The following GPHN variants were observed in gnomAD, a reference collection of about 807,000 sequenced individuals.
GPHN encodes the protein gephyrin.
GPHN carries 17 observed loss-of-function variants against 95.5 expected under a neutral mutation model. The observed-to-expected ratio is 0.18, with a 90% confidence interval of 0.12 to 0.27. GPHN has a LOEUF of 0.27. GPHN is among the 10% of genes least tolerant of loss of function. The probability of loss-of-function intolerance (pLI) is 1.00; values close to 1 mark genes in which losing one functional copy is unlikely to be tolerated. For missense variants in GPHN, 660 were observed against 978.1 expected, an observed-to-expected ratio of 0.67 and a Z score of 4.34; for synonymous variants, 320 against 322.5, an observed-to-expected ratio of 0.99 and a Z score of 0.08.
At chr14:67,498,364 T>G in the GPHN span, among the ~76,000 whole-genome samples, 1 of 152,164 alleles carries the variant, frequency 6.6e-6, no homozygotes, top group East Asian at 1.9e-4. Flanking sequence ...AATCTGAGTT[T>G]TGTGAGTTGA....
the GPHN span, chr14:67,588,058 A>G: frequency 6.6e-6 from 1 of 152,618 alleles, no homozygotes; most frequent in East Asian, 1.9e-4. Flanking sequence ...ATTGGTATGT[A>G]GGCATTGGTA....
the GPHN span, among the ~76,000 whole-genome samples, chr14:67,468,768 A>C: frequency 6.6e-6 from 1 of 152,080 alleles, no homozygotes; most frequent in Admixed American, 6.5e-5. Flanking sequence ...GGTGGCATGC[A>C]CCTGTAATCC....
the GPHN span, among the ~76,000 whole-genome samples, chr14:67,708,203 A>G: frequency 6.6e-6 from 1 of 152,212 alleles, no homozygotes; most frequent in Non-Finnish European, 1.5e-5. Context: ...TTAAAAGAAA[A>G]GTTTTCTTGA....
At chr14:67,724,983 C>T in the GPHN span, 3 of 1,191,280 alleles carry the variant, frequency 2.5e-6, no homozygotes, top group South Asian at 1.2e-5. Context: ...TTCACTCTAC[C>T]GTTGAAGGAT....
At chr14:67,653,686 T>A in the GPHN span, among the ~76,000 whole-genome samples, 1 of 152,212 alleles carries the variant, frequency 6.6e-6, no homozygotes, top group Non-Finnish European at 1.5e-5. Context: ...TTAGTACTCA[T>A]CAAGTAGGCT....
At chr14:66,894,866 T>C (rs1213225379) in intron 5 of GPHN, among the ~76,000 whole-genome samples, 1 of 152,206 alleles carries the variant, frequency 6.6e-6, no homozygotes. Flanking sequence ...CAACAGGTGC[T>C]GAAGAGGACA....
the GPHN span, among the ~76,000 whole-genome samples, chr14:67,565,992 C>T: frequency 3.9e-5 from 6 of 152,232 alleles, no homozygotes; most frequent in East Asian, 3.9e-4. Context: ...TGGTGGTGCA[C>T]GCCTATAGTC....
intron 2 of GPHN, among the ~76,000 whole-genome samples, chr14:66,688,484 T>G (rs1306682204): frequency 6.6e-6 from 1 of 152,250 alleles, no homozygotes; most frequent in Non-Finnish European, 1.5e-5. Context: ...CTTTTTCAGT[T>G]TCTTTTTCCA....
At chr14:66,900,652 T>C (rs1016539791) in intron 5 of GPHN, among the ~76,000 whole-genome samples, 3 of 152,010 alleles carry the variant, frequency 2.0e-5, no homozygotes, top group African/African-American at 4.8e-5. Flanking sequence ...TTCTTCCTTC[T>C]GTGCTTGCCT....
the GPHN span, among the ~76,000 whole-genome samples, chr14:67,280,489 G>A: frequency 6.6e-6 from 1 of 152,134 alleles, no homozygotes; most frequent in Admixed American, 6.5e-5. Context: ...ATTGTTTCAT[G>A]TAATAAAATA....
chr14:67,412,065 C>T, the GPHN span: 8 of 1,545,110 alleles, frequency 5.2e-6, no homozygotes, highest in South Asian at 1.2e-5. Context: ...TCCATGTCGC[C>T]GCCCGCACGC....
chr14:67,212,407 G>A, the GPHN span, among the ~76,000 whole-genome samples: 157 of 151,520 alleles, frequency 1.0e-3, no homozygotes, highest in African/African-American at 3.6e-3. Flanking sequence ...GGGCAACATT[G>A]CAAAACCCTG....
At chr14:67,497,067 C>T in the GPHN span, among the ~76,000 whole-genome samples, 5 of 151,944 alleles carry the variant, frequency 3.3e-5, no homozygotes, top group Non-Finnish European at 7.4e-5. Context: ...GCTGGGATTA[C>T]AGGCCTGAGC....
At chr14:66,660,639 G>A (rs761901168) in intron 1 of GPHN, among the ~76,000 whole-genome samples, 42 of 152,156 alleles carry the variant, frequency 2.8e-4, no homozygotes, top group Non-Finnish European at 4.0e-4. Context: ...CCAGTGGGGC[G>A]CCAAGATGGC....
chr14:67,516,170 G>A, the GPHN span, among the ~76,000 whole-genome samples: 1 of 152,206 alleles, frequency 6.6e-6, no homozygotes, highest in African/African-American at 2.4e-5. Context: ...GGCTGAGCAG[G>A]GAGTGGGAAT....
chr14:66,991,870 TA>T lies in GPHN; in HGVS notation c.963+26562del, dbSNP rs1555458890. On this transcript the variant is annotated intron_variant, in intron 9 of 22. Coordinates refer to ENST00000478722, the MANE Select transcript of GPHN (RefSeq NM_020806.5). ...CTGGGCAACAGAGTGAGACCCTGTCTAAAAAAAAAAAAAAAAAGAAAAGAAA... is the reference window on the plus strand; with the variant it reads ...CTGGGCAACAGAGTGAGACCCTGTCTAAAAAAAAAAAAAAAAGAAAAGAAA... 1.5e-3 allele frequency among the ~76,000 whole-genome samples: 166 copies of T among 111,126 alleles called. 1 individual carries two copies. Among genetic ancestry groups the T allele is most frequent in the African/African-American group, 2.5e-3 (83 of 33,240 alleles). 72.9% of individuals were successfully genotyped at this position (111,126 alleles called of 152,430 possible).
chr14:67,525,000 G>C, the GPHN span, among the ~76,000 whole-genome samples: 1 of 152,158 alleles, frequency 6.6e-6, no homozygotes, highest in Non-Finnish European at 1.5e-5. Context: ...GCTTTATTGA[G>C]TTAGATGTCA....
At chr14:67,071,154 A>G (rs577211530) in intron 11 of GPHN, among the ~76,000 whole-genome samples, 12 of 152,290 alleles carry the variant, frequency 7.9e-5, no homozygotes, top group African/African-American at 2.6e-4. Flanking sequence ...AAGGATTATA[A>G]ATGATGCTGC....
chr14:67,011,573 C>CAAAAAA (rs201978777), intron 9 of GPHN, among the ~76,000 whole-genome samples: 6 of 63,178 alleles, frequency 9.5e-5, no homozygotes, highest in African/African-American at 2.4e-4. Context: ...GACCTTGCCT[C>CAAAAAA]AAAAAAAAAA....
Sources: gnomAD v4.1 joint callset for allele counts (sites outside exome capture counted in the v4.1 genomes callset) on GRCh38, gnomAD v4.1.1 for gene constraint, MANE v1.5 for transcripts, NCBI Gene and HGNC (gene_info 2026-07-23, HGNC 2026-07-21) for gene names.